Variants in PPP1R16A observed in about 807,000 individuals in gnomAD.
PPP1R16A encodes protein phosphatase 1 regulatory subunit 16A.
In PPP1R16A, 39 loss-of-function variants were observed where a neutral mutation model predicts 46.6. The ratio of observed to expected loss-of-function variants is 0.84; its 90% CI spans 0.65 to 1.09. The LOEUF (loss-of-function observed/expected upper bound fraction) is 1.09, where lower values mean the gene tolerates loss of function less well. Among genes scored for constraint, PPP1R16A ranks in the 50% least tolerant of loss-of-function variants. The pLI, the probability that PPP1R16A is intolerant of heterozygous loss-of-function variation, is 0.00. For synonymous variants in PPP1R16A, 413 were observed against 321.5 expected, an observed-to-expected ratio of 1.28 and a Z score of -3.04; for missense variants, 798 against 735.6, an observed-to-expected ratio of 1.08 and a Z score of -0.98.
chr8:144,488,795 G>A (rs1462177435), intron 1 of PPP1R16A, among the ~76,000 whole-genome samples: 1 of 152,004 alleles, frequency 6.6e-6, no homozygotes, highest in East Asian at 2.0e-4. Flanking sequence ...CCAGGCCTCA[G>A]CCAGGAGCAC....
rs201856653 is a variant in PPP1R16A at position 144,493,703 on chromosome 8, CT to C, written c.-734-2757del. 9.5e-3 allele frequency among the ~76,000 whole-genome samples: 1,445 copies of C among 152,280 alleles called. 25 individuals are homozygous for C. The highest frequency in any genetic ancestry group is 0.033 in the African/African-American group (1,387 of 41,568). On this transcript the variant is annotated intron_variant, in intron 2 of 11. Transcript: ENST00000435887. This position sits in a 1 kb window ranked among gnomAD's most constrained non-coding sequence, Gnocchi z 4.3. ...GGGGAGGTGGGCACTGGGACACCCC[CT>C]GGCACCCACTCTTGGGGGGCCCTGG...
In PPP1R16A at chr8:144,500,505, A is replaced by G; in HGVS notation, c.724A>G (p.Asn242Asp). The G allele has an allele frequency of 6.3e-7, 1 of 1,588,396 alleles. No individual in the cohort carries two copies. Among genetic ancestry groups the G allele is most frequent in the Non-Finnish European group, 8.5e-7 (1 of 1,175,438 alleles). ...CCTGCAGCTGCACGTCGCAGCCGCC[A>G]ACGGGTTCAGCGAGGCGGCTGCCCT... is the stretch of plus-strand genomic sequence containing the variant. ...GATLLHVAAA[N>D]GFSEAAALLL... The change falls in exon 8 of 12, where the codon AAC becomes GAC. Residue 242 changes from asparagine (N) to aspartate (D), a missense_variant. Physicochemically the swap from Asn to Asp is conservative, Grantham distance 23. Transcript: ENST00000435887.
Position 144,499,712 on chromosome 8 carries a change from C to T in PPP1R16A, c.477-384C>T, listed in dbSNP as rs137863990. ...CTGTGTTCTGGGCTCCCCTTCACCG[C>T]CCTTCTTCCCTGGGGCCATGCTCCC... On this transcript the variant is annotated intron_variant, in intron 5 of 11. Transcript: ENST00000435887. 4.6e-4 allele frequency: 109 copies of T among 237,342 alleles called. 2 individuals carry two copies. Among genetic ancestry groups the T allele is most frequent in the African/African-American group, 2.3e-3 (104 of 44,334 alleles). The allele number at this position is 237,342 out of a possible 1,614,324, so 14.7% of individuals were successfully genotyped here.
At chr8:144,496,259 G>T (rs1826062159) in intron 2 of PPP1R16A, 1 of 152,324 alleles carries the variant, frequency 6.6e-6, no homozygotes, top group Admixed American at 6.5e-5. Flanking sequence ...TGAACCTGGG[G>T]CAGAATGGGG....
chr8:144,498,945 G>C lies in PPP1R16A; in HGVS notation c.360G>C (p.Val120=), dbSNP rs1466912901. 4 of 1,612,720 alleles carry C rather than the reference G, an allele frequency of 2.5e-6. No individual in the cohort carries two copies. Among genetic ancestry groups the C allele is most frequent in the Non-Finnish European group, 3.4e-6 (4 of 1,179,860 alleles). The part of the protein sequence containing the change: ...QCCIDDFREM[V]QQLLEAGANI... ...GCATTGATGATTTCCGAGAGATGGT[G>C]CAGCAGCTCCTGGAGGCTGGGGCCA... is the stretch of plus-strand genomic sequence containing the variant. The change falls in exon 5 of 12, where the codon GTG becomes GTC. Residue 120 remains valine, a synonymous_variant. Transcript: ENST00000435887.
At chr8:144,497,810 T>G (rs577573306) in intron 3 of PPP1R16A, 14 of 404,252 alleles carry the variant, frequency 3.5e-5, no homozygotes, top group South Asian at 1.6e-4. Context: ...CATTGCTGCT[T>G]CTTGTTAGGC....
At position 144,500,779 on chromosome 8, in the gene PPP1R16A, A is replaced by C; in HGVS notation, c.907+18A>C. 6.2e-7 allele frequency: 1 copy of C among 1,609,294 alleles called. No homozygotes were observed. Among genetic ancestry groups the C allele is most frequent in the Non-Finnish European group, 8.5e-7 (1 of 1,178,702 alleles). ...GCCCCTTGGTGAGCTTGCGGGGCCC[A>C]CCTCCACCTGGGGGAGAGGACAGGC... On this transcript the variant is annotated intron_variant, in intron 9 of 11. Transcript: ENST00000435887.
In PPP1R16A at chr8:144,501,648, C is replaced by T; in HGVS notation, c.1332C>T (p.Pro444=). ...YQLSPLDSTT[P]HTLVHDKAHH... ...TGAGCCCCCTGGACAGCACCACCCC[C>T]CACACCCTGGTCCACGACAAGGCCC... is the stretch of plus-strand genomic sequence containing the variant. The change falls in exon 12 of 12, where the codon CCC becomes CCT. Residue 444 remains proline, a synonymous_variant. Transcript: ENST00000435887. The T allele has an allele frequency of 1.2e-6, 2 of 1,611,014 alleles. No individual in the cohort carries two copies. The highest frequency in any genetic ancestry group is 1.1e-5 in the South Asian group (1 of 90,600).
chr8:144,491,308 A>G (rs1825804221), intron 2 of PPP1R16A, among the ~76,000 whole-genome samples: 1 of 152,074 alleles, frequency 6.6e-6, no homozygotes. Context: ...TCTCATAGAT[A>G]TTGCTACAAA....
At chr8:144,482,806 G>C (rs1349228466) in intron 1 of PPP1R16A, among the ~76,000 whole-genome samples, 1 of 152,026 alleles carries the variant, frequency 6.6e-6, no homozygotes, top group Admixed American at 6.6e-5. Context: ...CCGCCACCAC[G>C]TCCAGCTGAT....
At chr8:144,482,973 G>A (rs191607689) in intron 1 of PPP1R16A, among the ~76,000 whole-genome samples, 1 of 151,764 alleles carries the variant, frequency 6.6e-6, no homozygotes, top group African/African-American at 2.4e-5. Flanking sequence ...AGTAGAGACG[G>A]GTTTTTGCCA....
chr8:144,487,477 T>A (rs12682297), intron 1 of PPP1R16A, among the ~76,000 whole-genome samples: 57,775 of 151,864 alleles, frequency 0.38, 13,122 homozygotes, highest in South Asian at 0.57. Flanking sequence ...TCAAGTGATC[T>A]TCCCACCTCA....
intron 5 of PPP1R16A, chr8:144,499,306 G>GCCC: frequency 1.9e-6 from 1 of 522,360 alleles, no homozygotes; most frequent in Non-Finnish European, 3.4e-6. Context: ...CAGGCCTCGG[G>GCCC]CCCCCCCCCA....
intron 2 of PPP1R16A, among the ~76,000 whole-genome samples, chr8:144,490,553 G>T (rs1472585742): frequency 6.6e-6 from 1 of 151,874 alleles, no homozygotes; most frequent in Non-Finnish European, 1.5e-5. Context: ...GCCAAGGGCT[G>T]GGGAGAGACC....
intron 1 of PPP1R16A, among the ~76,000 whole-genome samples, chr8:144,487,970 G>A (rs959651038): frequency 6.6e-6 from 1 of 152,218 alleles, no homozygotes; most frequent in African/African-American, 2.4e-5. Flanking sequence ...ATAACGAGAT[G>A]TCTCCTCCTA....
At chr8:144,483,448 C>T (rs927189361) in intron 1 of PPP1R16A, among the ~76,000 whole-genome samples, 7 of 151,918 alleles carry the variant, frequency 4.6e-5, no homozygotes, top group Non-Finnish European at 8.8e-5. Flanking sequence ...CTTGCTCTGT[C>T]GCCCAGGCTG....
In PPP1R16A at chr8:144,501,856, GC is replaced by G; in HGVS notation, c.1541del (p.Ala514GlyfsTer81). On this transcript the variant is annotated frameshift_variant, in exon 12 of 12. Transcript: ENST00000435887. LOFTEE classifies it high-confidence loss of function. ...ACCCCTGCTCAAGCTCACAGCCCCG[GC>G]GGTGGAGGCTCCCGTGGAGAGGAGG... Reference protein sequence around the residue: ...DPPLLKLTAPAVEAPVERRPC... With the variant: ...DPPLLKLTAPXVEAPVERRPC... 6.5e-7 allele frequency: 1 copy of G among 1,546,362 alleles called. No homozygotes were observed. Among genetic ancestry groups the G allele is most frequent in the Non-Finnish European group, 8.7e-7 (1 of 1,146,868 alleles).
At chr8:144,478,537 C>T (rs565193718) in intron 1 of PPP1R16A, 322 of 170,610 alleles carry the variant, frequency 1.9e-3, no homozygotes, top group Admixed American at 3.9e-3. Flanking sequence ...GTGGATTCTC[C>T]GCAGCCCGTC....
At chr8:144,500,237 C>A (rs201355879) in intron 6 of PPP1R16A, 30 bp from the exon 7 acceptor site, 2 of 1,577,308 alleles carry the variant, frequency 1.3e-6, no homozygotes, top group East Asian at 2.4e-5. Context: ...GGCTGCCGGT[C>A]GCGCTCCCTC....
Sources: allele counts gnomAD v4.1 joint callset (sites outside exome capture counted in the v4.1 genomes callset), GRCh38; gene constraint gnomAD v4.1.1; non-coding constraint Gnocchi (gnomAD v3.1); transcripts MANE v1.5; gene names NCBI Gene and HGNC (gene_info 2026-07-23, HGNC 2026-07-21).